The following CACNA2D3 variants were observed in gnomAD, a reference collection of about 807,000 sequenced individuals.
CACNA2D3 encodes the protein voltage-dependent calcium channel subunit alpha-2/delta-3.
In CACNA2D3, 60 loss-of-function variants were observed where a neutral mutation model predicts 160.6. That is an observed-to-expected ratio of 0.37 (90% confidence interval 0.30 to 0.46). The LOEUF is 0.46. Ranked by LOEUF, CACNA2D3 falls within the 20% of genes least tolerant of loss-of-function variation. The probability of loss-of-function intolerance (pLI) is 1.00; values close to 1 mark genes in which losing one functional copy is unlikely to be tolerated. For synonymous variants in CACNA2D3, 558 were observed against 492.9 expected, an observed-to-expected ratio of 1.13 and a Z score of -1.75; for missense variants, 1,205 against 1,365.0, an observed-to-expected ratio of 0.88 and a Z score of 1.85.
intron 14 of CACNA2D3, among the ~76,000 whole-genome samples, chr3:54,830,922 T>C (rs936506674): frequency 6.6e-6 from 1 of 152,100 alleles, no homozygotes; most frequent in Non-Finnish European, 1.5e-5. Flanking sequence ...TCGCAGGTGT[T>C]GAAAGGAAGC....
chr3:54,677,235 A>G (rs1159152647), intron 11 of CACNA2D3, among the ~76,000 whole-genome samples: 3 of 152,178 alleles, frequency 2.0e-5, no homozygotes, highest in African/African-American at 7.2e-5. Flanking sequence ...CTAGAAGGTA[A>G]CCTCAGCTGC....
Position 54,425,305 on chromosome 3 carries a change from C to T in CACNA2D3, c.381+38531C>T, listed in dbSNP as rs558097433. ...GAGATCGTGCCATTGCACTCCAGCC[C>T]GGGTGACAAGAGTGAAACTCCATCT... On this transcript the variant is annotated intron_variant, in intron 4 of 37. Coordinates refer to ENST00000474759, the MANE Select transcript of CACNA2D3 (RefSeq NM_018398.3). 2.0e-5 allele frequency among the ~76,000 whole-genome samples: 3 copies of T among 152,218 alleles called. No individual in the cohort carries two copies. In the South Asian group the frequency reaches 6.2e-4, roughly 32 times the overall value.
At chr3:54,323,882 A>G (rs1379672780) in intron 3 of CACNA2D3, among the ~76,000 whole-genome samples, 1 of 151,928 alleles carries the variant, frequency 6.6e-6, no homozygotes, top group Non-Finnish European at 1.5e-5. Flanking sequence ...CCCCTCCCCC[A>G]GCAGTTGGAG....
chr3:55,035,665 G>A (rs1703800835), intron 35 of CACNA2D3, among the ~76,000 whole-genome samples: 1 of 152,134 alleles, frequency 6.6e-6, no homozygotes, highest in African/African-American at 2.4e-5. Context: ...AAAGGACATG[G>A]GCTTCAAATG....
intron 11 of CACNA2D3, among the ~76,000 whole-genome samples, chr3:54,663,065 A>G (rs994593939): frequency 1.3e-5 from 2 of 152,200 alleles, no homozygotes; most frequent in Non-Finnish European, 2.9e-5. Flanking sequence ...GAGGAGAAAG[A>G]ACAAGGTGAA....
chr3:54,458,453 GT>G lies in CACNA2D3; in HGVS notation c.382-45027del, dbSNP rs556768852. Among the ~76,000 whole-genome samples the G allele has an allele frequency of 8.1e-3, 1,175 of 144,786 alleles. 14 individuals carry two copies. Among genetic ancestry groups the G allele is most frequent in the African/African-American group, 0.023 (909 of 38,700 alleles). The allele number at this position is 144,786 out of a possible 152,430, so 95.0% of individuals were successfully genotyped here. A position where few individuals can be genotyped will look rare whatever the true frequency, so the allele number is the denominator to read the frequency against. ...TTTGGGTATATTTTCTTTGCTGGCA[GT>G]TTTTTTTTTTTCCCTTTTACTACTT... is the stretch of plus-strand genomic sequence containing the variant. On this transcript the variant is annotated intron_variant, in intron 4 of 37. Coordinates refer to ENST00000474759, the MANE Select transcript of CACNA2D3 (RefSeq NM_018398.3).
intron 2 of CACNA2D3, among the ~76,000 whole-genome samples, chr3:54,181,388 G>A (rs749491301): frequency 2.2e-4 from 34 of 152,204 alleles, no homozygotes; most frequent in Non-Finnish European, 4.0e-4. Flanking sequence ...ATGAACATTG[G>A]CTACTTACAA....
At chr3:54,219,355 A>G (rs992006068) in intron 2 of CACNA2D3, among the ~76,000 whole-genome samples, 15 of 152,164 alleles carry the variant, frequency 9.9e-5, no homozygotes, top group African/African-American at 3.6e-4. Flanking sequence ...GCTGGACACC[A>G]TTGACTTGCA....
chr3:54,472,888 G>A (rs962990977), intron 4 of CACNA2D3, among the ~76,000 whole-genome samples: 6 of 151,402 alleles, frequency 4.0e-5, no homozygotes, highest in African/African-American at 1.5e-4. Flanking sequence ...AATAAAAGAG[G>A]ACACAAATAG....
At position 54,236,545 on chromosome 3, in the gene CACNA2D3, A is replaced by T. The variant is rs551518494; in HGVS notation, c.205-83897A>T. On this transcript the variant is annotated intron_variant, in intron 2 of 37. Transcript: ENST00000474759. The stretch of plus-strand genomic sequence containing the variant: ...GACTGAACAGCAGGATGTCAAGTCA[A>T]CATGCCAATATGTGTTCTGTGGATG... Among the ~76,000 whole-genome samples, 9 of 152,322 alleles carry T rather than the reference A, an allele frequency of 5.9e-5. 1 individual carries two copies. In the South Asian group the frequency reaches 1.7e-3, roughly 28 times the overall value.
At chr3:54,907,506 A>G (rs975418692) in intron 27 of CACNA2D3, among the ~76,000 whole-genome samples, 1 of 152,184 alleles carries the variant, frequency 6.6e-6, no homozygotes, top group African/African-American at 2.4e-5. Context: ...AAATGCTTAC[A>G]TCTGGGTGGG....
At position 54,158,824 on chromosome 3, in the gene CACNA2D3, C is replaced by T. The variant is rs190917901; in HGVS notation, c.204+35230C>T. ...TGCAAAAGAAGTAGGCTCTCTGGGTCCTTCTTCTGTGATGGTCATTAGTTT... is the reference window on the plus strand; with the variant it reads ...TGCAAAAGAAGTAGGCTCTCTGGGTTCTTCTTCTGTGATGGTCATTAGTTT... On this transcript the variant is annotated intron_variant, in intron 2 of 37. Coordinates refer to ENST00000474759, the MANE Select transcript of CACNA2D3 (RefSeq NM_018398.3). Among the ~76,000 whole-genome samples, 184 of 152,332 alleles carry T rather than the reference C, an allele frequency of 1.2e-3. 1 individual carries two copies. Among genetic ancestry groups the T allele is most frequent in the African/African-American group, 4.3e-3 (180 of 41,556 alleles).
At chr3:54,217,324 C>T (rs139872275) in intron 2 of CACNA2D3, among the ~76,000 whole-genome samples, 4 of 152,294 alleles carry the variant, frequency 2.6e-5, no homozygotes, top group Admixed American at 1.3e-4. Flanking sequence ...TGTCCCTTCC[C>T]CTGGGTTCTG....
intron 2 of CACNA2D3, among the ~76,000 whole-genome samples, chr3:54,262,152 T>A (rs1235089028): frequency 4.6e-5 from 7 of 152,140 alleles, no homozygotes; most frequent in Admixed American, 4.6e-4. Context: ...CTGACATAAA[T>A]CTATAGCAAG....
chr3:54,369,261 A>G (rs1698880896), intron 3 of CACNA2D3, among the ~76,000 whole-genome samples: 1 of 151,384 alleles, frequency 6.6e-6, no homozygotes, highest in African/African-American at 2.5e-5. Context: ...TAATTTAATG[A>G]CACAAACCTT....
intron 4 of CACNA2D3, among the ~76,000 whole-genome samples, chr3:54,500,504 TCTTCCTTCCTTC>T (rs56816802): frequency 0.034 from 3,518 of 102,024 alleles, 97 homozygotes; most frequent in East Asian, 0.13. Flanking sequence ...TTCCTTCCTA[TCTTCCTTCCTTC>T]CTTCCTTCCT....
Position 55,018,293 on chromosome 3 carries a change from A to G in CACNA2D3, c.2963A>G (p.Asn988Ser). The G allele has an allele frequency of 6.2e-7, 1 of 1,611,146 alleles. No homozygotes were observed. Among genetic ancestry groups the G allele is most frequent in the Non-Finnish European group, 8.5e-7 (1 of 1,177,644 alleles). The change falls in exon 35 of 38, where the codon AAT becomes AGT. Residue 988 changes from asparagine (N) to serine (S), a missense_variant. This residue lies in a region of CACNA2D3 where 911 missense variants were observed against 1,002.2 expected (regional missense o/e 0.91). Transcript: ENST00000474759. ...SERTIKETTGNIACEDCSKSF... is the reference protein window; with the variant it reads ...SERTIKETTGSIACEDCSKSF... ...CGCACCATCAAGGAGACTACAGGGAATATTGCTTGTGAAGACTGCTCCAAG... is the reference window on the plus strand; with the variant it reads ...CGCACCATCAAGGAGACTACAGGGAGTATTGCTTGTGAAGACTGCTCCAAG...
intron 13 of CACNA2D3, among the ~76,000 whole-genome samples, chr3:54,796,868 A>T (rs1406536944): frequency 6.6e-6 from 1 of 152,082 alleles, no homozygotes; most frequent in Admixed American, 6.5e-5. Context: ...TTCAGTTTAC[A>T]TAGAGATAGG....
chr3:54,547,881 A>G (rs1702090338), intron 5 of CACNA2D3, among the ~76,000 whole-genome samples: 1 of 152,004 alleles, frequency 6.6e-6, no homozygotes. Context: ...AAATGCAGAC[A>G]TGGAGTCTTG....
Sources: allele counts gnomAD v4.1 joint callset (sites outside exome capture counted in the v4.1 genomes callset), GRCh38; gene constraint gnomAD v4.1.1; regional missense constraint gnomAD v4.1.1; transcripts MANE v1.5; gene names NCBI Gene and HGNC (gene_info 2026-07-23, HGNC 2026-07-21).